The following OPHN1 variants were observed in gnomAD, a reference collection of about 807,000 sequenced individuals.
OPHN1 encodes the protein oligophrenin 1.
OPHN1 carries 11 observed loss-of-function variants against 60.7 expected under a neutral mutation model. The observed-to-expected ratio is 0.18, with a 90% confidence interval of 0.11 to 0.30. The LOEUF (loss-of-function observed/expected upper bound fraction) is 0.30, where lower values mean the gene tolerates loss of function less well. Ranked by LOEUF, OPHN1 falls within the 10% of genes least tolerant of loss-of-function variation. The probability of loss-of-function intolerance (pLI) is 1.00; values close to 1 mark genes in which losing one functional copy is unlikely to be tolerated. For synonymous variants in OPHN1, 226 were observed against 222.6 expected (o/e 1.02, Z -0.14); for missense variants, 449 against 611.0 (o/e 0.73, Z 2.80).
At chrX:68,093,861 C>CT (rs981107642) in intron 19 of OPHN1, among the ~76,000 whole-genome samples, 2 of 109,770 alleles carry the variant, frequency 1.8e-5, no homozygotes, top group Non-Finnish European at 3.8e-5. Context: ...ATCTCGGTAG[C>CT]TTTTTTTTCC....
chrX:68,328,875 C>T (rs2078281260), intron 2 of OPHN1, among the ~76,000 whole-genome samples: 1 of 112,335 alleles, frequency 8.9e-6, no homozygotes, highest in Non-Finnish European at 1.9e-5. Context: ...GATACCATTT[C>T]ACATCCGTCA....
chrX:68,255,746 C>T (rs1342607177), intron 5 of OPHN1, among the ~76,000 whole-genome samples: 1 of 110,698 alleles, frequency 9.0e-6, no homozygotes, highest in Non-Finnish European at 1.9e-5. Flanking sequence ...CACAAACACA[C>T]ACACACACAC....
chrX:68,185,994 T>C (rs1356393364), intron 15 of OPHN1, among the ~76,000 whole-genome samples: 1 of 111,828 alleles, frequency 8.9e-6, no homozygotes, highest in African/African-American at 3.3e-5. Context: ...ATAGGCTGCT[T>C]TTTTCCAAGG....
In OPHN1 at chrX:68,148,393, A is replaced by G. The variant is rs781549531; in HGVS notation, c.1277-29061T>C. ...TTTCTTTTCCAGCCTGTGTTATCAT[A>G]TCTCCTCAGGGCTGCCAGTGGAGAC... On this transcript the variant is annotated intron_variant, in intron 15 of 24. Coordinates refer to ENST00000355520, the MANE Select transcript of OPHN1 (RefSeq NM_002547.3). Among the ~76,000 whole-genome samples the G allele has an allele frequency of 1.2e-3, 137 of 110,612 alleles. 2 individuals carry two copies. Among genetic ancestry groups the G allele is most frequent in the African/African-American group, 4.4e-3 (134 of 30,458 alleles).
At chrX:68,351,130 T>C (rs2078408544) in intron 2 of OPHN1, among the ~76,000 whole-genome samples, 1 of 110,801 alleles carries the variant, frequency 9.0e-6, no homozygotes, top group African/African-American at 3.3e-5. Flanking sequence ...GGTTTCACTA[T>C]GTTGGTCAGG....
Position 68,363,752 on chromosome X carries a change from G to A in OPHN1, c.155-64656C>T, listed in dbSNP as rs938600731. On this transcript the variant is annotated intron_variant, in intron 2 of 24. Transcript: ENST00000355520. ...GTGGTTATATATACTAAAACAGTCC[G>A]TATCAGAAATGCATACTGAAATATA... 4.5e-5 allele frequency among the ~76,000 whole-genome samples: 5 copies of A among 111,358 alleles called. No individual in the cohort carries two copies. The South Asian group carries it at 1.1e-3, about 25-fold the overall frequency.
At chrX:68,052,404 G>T (rs1423710836) in intron 23 of OPHN1, 136 bp downstream of exon 23, 10 of 586,611 alleles carry the variant, frequency 1.7e-5, no homozygotes, top group Non-Finnish European at 2.9e-5. Context: ...CAGAATTGGG[G>T]AAGAGAAAGT....
At chrX:68,117,213 G>A (rs1006892766) in intron 16 of OPHN1, among the ~76,000 whole-genome samples, 1 of 110,626 alleles carries the variant, frequency 9.0e-6, no homozygotes, top group Non-Finnish European at 1.9e-5. Context: ...TTGTTGAAGG[G>A]GCCTTCTTCC....
intron 2 of OPHN1, among the ~76,000 whole-genome samples, chrX:68,323,890 AAAATGCAGTACTCATCC>A (rs1186920171): frequency 1.8e-5 from 2 of 112,300 alleles, no homozygotes; most frequent in African/African-American, 6.5e-5. Flanking sequence ...GCATTTGATT[AAAATGCAGTACTCATCC>A]ATGAGGATCA....
At chrX:68,266,614 C>T (rs2077929290) in intron 5 of OPHN1, among the ~76,000 whole-genome samples, 1 of 111,651 alleles carries the variant, frequency 9.0e-6, no homozygotes, top group African/African-American at 3.3e-5. Flanking sequence ...GAAGAAACTG[C>T]ATCAACTAAC....
intron 2 of OPHN1, among the ~76,000 whole-genome samples, chrX:68,356,722 G>GTA (rs747640008): frequency 3.1e-4 from 34 of 110,601 alleles, no homozygotes; most frequent in African/African-American, 8.9e-4. Flanking sequence ...CCCTCTTTCT[G>GTA]TATATATATA....
intron 15 of OPHN1, among the ~76,000 whole-genome samples, chrX:68,136,703 C>G (rs2147470036): frequency 8.9e-6 from 1 of 111,767 alleles, no homozygotes; most frequent in South Asian, 3.7e-4. Flanking sequence ...ATAATAATAA[C>G]ACCTAACTCA....
intron 2 of OPHN1, among the ~76,000 whole-genome samples, chrX:68,404,827 C>T (rs2078733803): frequency 9.0e-6 from 1 of 111,346 alleles, no homozygotes; most frequent in Middle Eastern, 4.6e-3. Flanking sequence ...TCACAAAAGA[C>T]AAATACTGTA....
intron 2 of OPHN1, among the ~76,000 whole-genome samples, chrX:68,357,978 G>A (rs1436855396): frequency 1.8e-5 from 2 of 109,171 alleles, no homozygotes; most frequent in Admixed American, 1.0e-4. Context: ...TAAGTAGCAA[G>A]TACTAATTAC....
At chrX:68,311,465 C>T (rs2078172686) in intron 2 of OPHN1, among the ~76,000 whole-genome samples, 1 of 111,957 alleles carries the variant, frequency 8.9e-6, no homozygotes, top group African/African-American at 3.2e-5. Context: ...TGGAGTCTCG[C>T]TCTGTCACCC....
chrX:68,427,799 T>C (rs766471588), intron 2 of OPHN1, among the ~76,000 whole-genome samples: 3 of 106,509 alleles, frequency 2.8e-5, no homozygotes, highest in East Asian at 5.8e-4. Flanking sequence ...ATCTGGCCTA[T>C]GAAAATGTTT....
chrX:68,409,664 G>C (rs2078760161), intron 2 of OPHN1, among the ~76,000 whole-genome samples: 1 of 111,640 alleles, frequency 9.0e-6, no homozygotes, highest in Non-Finnish European at 1.9e-5. Flanking sequence ...GAGGGCTGAG[G>C]GCTGAGGGCT....
Position 68,045,500 on chromosome X carries a change from A to G in OPHN1, c.*1672T>C, listed in dbSNP as rs1196128007. 1.8e-5 allele frequency: 2 copies of G among 111,612 alleles called. No homozygotes were observed. Among genetic ancestry groups the G allele is most frequent in the Non-Finnish European group, 1.9e-5 (1 of 53,135 alleles). The allele number at this position is 111,612 out of a possible 1,213,427, so 9.2% of individuals were successfully genotyped here. A position where few individuals can be genotyped will look rare whatever the true frequency, so the allele number is the denominator to read the frequency against. On this transcript the variant is annotated 3_prime_UTR_variant, in exon 25 of 25. Coordinates refer to ENST00000355520, the MANE Select transcript of OPHN1 (RefSeq NM_002547.3). ...CTGTCAGTACTATAATCAGTGCACT[A>G]ACAGGGCCTTGGTAGAAGAGTGCAA...
chrX:68,060,326 G>A (rs2076888469), intron 21 of OPHN1, among the ~76,000 whole-genome samples: 1 of 111,351 alleles, frequency 9.0e-6, no homozygotes, highest in Non-Finnish European at 1.9e-5. Flanking sequence ...AGAAGCTGAG[G>A]TCAAGCCCCA....
Sources: allele counts gnomAD v4.1 joint callset (sites outside exome capture counted in the v4.1 genomes callset), GRCh38; gene constraint gnomAD v4.1.1; transcripts MANE v1.5; gene names NCBI Gene and HGNC (gene_info 2026-07-23, HGNC 2026-07-21).